QTGAL: variants seen among roughly 807,000 people sequenced by gnomAD.
The protein encoded by QTGAL is queuosine-tRNA galactosyltransferase.
At chr17:83,048,414 C>T in the QTGAL span, 1,115 of 1,432,010 alleles carry the variant, frequency 7.8e-4, 10 homozygotes, top group African/African-American at 0.013. Context: ...TGTTTCGGTA[C>T]GTAAGTTGAT....
chr17:82,978,478 T>C, the QTGAL span: 1 of 152,114 alleles, frequency 6.6e-6, no homozygotes, highest in Non-Finnish European at 1.5e-5. This position sits in a 1 kb window ranked among gnomAD's most constrained non-coding sequence, Gnocchi z 4.8. Flanking sequence ...CTGCTGTGAG[T>C]GAGGAATTCC....
chr17:82,955,825 G>C, the QTGAL span, among the ~76,000 whole-genome samples: 1 of 152,138 alleles, frequency 6.6e-6, no homozygotes, highest in East Asian at 1.9e-4. Flanking sequence ...GCCATGAAAA[G>C]GAATGAGTTC....
the QTGAL span, among the ~76,000 whole-genome samples, chr17:82,971,390 C>T: frequency 6.6e-6 from 1 of 152,222 alleles, no homozygotes; most frequent in Non-Finnish European, 1.5e-5. Flanking sequence ...TGCACCTGAA[C>T]TGCCAGGCGC....
chr17:83,003,287 GCCCGCC>G, the QTGAL span, among the ~76,000 whole-genome samples: 2 of 49,512 alleles, frequency 4.0e-5, no homozygotes, highest in African/African-American at 2.1e-4. Flanking sequence ...GGATTCCTGA[GCCCGCC>G]CTCCCGCCCT....
chr17:83,006,564 C>T, the QTGAL span: 1 of 985,406 alleles, frequency 1.0e-6, no homozygotes, highest in South Asian at 4.7e-5. This position sits in a 1 kb window ranked among gnomAD's most constrained non-coding sequence, Gnocchi z 5.8. Context: ...GCACGAGCAC[C>T]CGAGGCGCCC....
the QTGAL span, among the ~76,000 whole-genome samples, chr17:83,025,775 A>G: frequency 6.6e-6 from 1 of 152,228 alleles, no homozygotes; most frequent in Non-Finnish European, 1.5e-5. Flanking sequence ...CGCGATTCTG[A>G]GCAGGGGTTT....
chr17:82,957,030 C>T, the QTGAL span: 1 of 1,171,198 alleles, frequency 8.5e-7, no homozygotes, highest in Non-Finnish European at 1.2e-6. Context: ...CGGGGTTCTC[C>T]CCCCAAGAAT....
At chr17:83,007,118 A>G in the QTGAL span, 1 of 735,236 alleles carries the variant, frequency 1.4e-6, no homozygotes, top group Non-Finnish European at 1.7e-6. Context: ...ATGTCTTTTC[A>G]TGTATTTTGC....
the QTGAL span, among the ~76,000 whole-genome samples, chr17:83,016,508 G>A: frequency 8.3e-6 from 1 of 120,908 alleles, no homozygotes; most frequent in Non-Finnish European, 1.8e-5. Flanking sequence ...ATGGAGGGAG[G>A]AGGGAAGAGG....
the QTGAL span, chr17:83,035,083 A>AT: frequency 6.2e-7 from 1 of 1,612,552 alleles, no homozygotes. Context: ...CAACTGCTTG[A>AT]TTTTTAGCGT....
the QTGAL span, chr17:83,007,367 T>C: frequency 1.4e-6 from 1 of 694,706 alleles, no homozygotes; most frequent in African/African-American, 2.0e-5. Flanking sequence ...CTGCATAGCA[T>C]CTACCTACGT....
the QTGAL span, among the ~76,000 whole-genome samples, chr17:82,951,884 C>T: frequency 4.0e-5 from 6 of 151,584 alleles, no homozygotes; most frequent in South Asian, 2.1e-4. Context: ...TTCATATGGG[C>T]GCCCCGAGAT....
chr17:82,982,153 CG>C, the QTGAL span, among the ~76,000 whole-genome samples: 2 of 136,544 alleles, frequency 1.5e-5, no homozygotes, highest in East Asian at 4.1e-4. Context: ...GGTGATGGGC[CG>C]AGCGGGTGGA....
chr17:83,000,747 C>T, the QTGAL span, among the ~76,000 whole-genome samples: 1 of 152,152 alleles, frequency 6.6e-6, no homozygotes, highest in Non-Finnish European at 1.5e-5. Context: ...TGAGAAAAAC[C>T]CAAGTGTACG....
At chr17:82,959,699 G>T in the QTGAL span, among the ~76,000 whole-genome samples, 6 of 17,818 alleles carry the variant, frequency 3.4e-4, no homozygotes, top group South Asian at 0.039. Context: ...AGAAGAAAGC[G>T]GGGGGCCTCT....
chr17:83,023,985 T>C, the QTGAL span, among the ~76,000 whole-genome samples: 1 of 152,234 alleles, frequency 6.6e-6, no homozygotes, highest in African/African-American at 2.4e-5. Flanking sequence ...TGGTTCCTTC[T>C]ACCTCGCCAG....
the QTGAL span, among the ~76,000 whole-genome samples, chr17:82,954,477 A>G: frequency 6.6e-6 from 1 of 152,174 alleles, no homozygotes. Context: ...ACCACTGCTC[A>G]GGGAAGTAGG....
chr17:83,000,225 C>G, the QTGAL span, among the ~76,000 whole-genome samples: 5 of 151,808 alleles, frequency 3.3e-5, no homozygotes, highest in African/African-American at 1.2e-4. Flanking sequence ...CCTCCGAAAG[C>G]GCTGGGATTA....
At chr17:82,995,794 TAA>T in the QTGAL span, among the ~76,000 whole-genome samples, 1 of 152,042 alleles carries the variant, frequency 6.6e-6, no homozygotes, top group Non-Finnish European at 1.5e-5. Context: ...TTAACTAAAA[TAA>T]AAGAGTGAAA....
Sources: gnomAD v4.1 joint callset for allele counts (sites outside exome capture counted in the v4.1 genomes callset) on GRCh38, gnomAD v4.1.1 for gene constraint, Gnocchi (gnomAD v3.1) non-coding constraint, MANE v1.5 for transcripts, NCBI Gene and HGNC (gene_info 2026-07-23, HGNC 2026-07-21) for gene names.